Variants in ELP4 observed in about 807,000 individuals in gnomAD.
ELP4 encodes the protein elongator complex protein 4.
ELP4 carries 51 observed loss-of-function variants against 48.9 expected under a neutral mutation model. The observed-to-expected ratio is 1.04, with a 90% CI of 0.83 to 1.32. The LOEUF is 1.32. Among genes scored for constraint, ELP4 ranks in the 40% most tolerant of loss-of-function variants. The pLI is 0.00. For synonymous variants in ELP4, 210 were observed against 189.2 expected, an observed-to-expected ratio of 1.11 and a Z score of -0.90; for missense variants, 519 against 514.6, an observed-to-expected ratio of 1.01 and a Z score of -0.08.
In ELP4 at chr11:31,686,868, C is replaced by CAA. The variant is rs35123055; in HGVS notation, c.1143+36659_1143+36660dup. Among the ~76,000 whole-genome samples, 281 of 136,416 alleles carry CAA rather than the reference C, an allele frequency of 2.1e-3. 2 individuals are homozygous for CAA. The highest frequency in any genetic ancestry group is 7.6e-3 in the Middle Eastern group (2 of 264). The allele number at this position is 136,416 out of a possible 152,430, so 89.5% of individuals were successfully genotyped here. ...TGGGCAACAGAGTGAGACCCTGCTT[C>CAA]AAAAAAAAAAAAATCACTCTGGCAG... On this transcript the variant is annotated intron_variant, in intron 9 of 9. Transcript: ENST00000640961.
intron 7 of ELP4, among the ~76,000 whole-genome samples, chr11:31,639,118 A>G (rs1945037400): frequency 6.6e-6 from 1 of 151,832 alleles, no homozygotes; most frequent in Non-Finnish European, 1.5e-5. Context: ...ACAGTTACTA[A>G]AGGATAAAGC....
intron 9 of ELP4, among the ~76,000 whole-genome samples, chr11:31,666,206 A>G (rs988790748): frequency 6.6e-6 from 1 of 151,530 alleles, no homozygotes. Context: ...ACAAGGTTTC[A>G]CCATGTTATA....
intron 7 of ELP4, among the ~76,000 whole-genome samples, chr11:31,639,819 T>C (rs998566452): frequency 6.6e-6 from 1 of 151,960 alleles, no homozygotes; most frequent in Admixed American, 6.6e-5. Flanking sequence ...AAAAAAAATT[T>C]GGTTTAAAAT....
At chr11:31,549,556 A>T (rs1256590153) in intron 3 of ELP4, among the ~76,000 whole-genome samples, 2 of 151,878 alleles carry the variant, frequency 1.3e-5, no homozygotes, top group Non-Finnish European at 2.9e-5. Flanking sequence ...AAACTAGTTC[A>T]ACCATTGTGG....
chr11:31,729,524 A>G (rs766840298), intron 9 of ELP4, among the ~76,000 whole-genome samples: 29 of 152,236 alleles, frequency 1.9e-4, no homozygotes, highest in Non-Finnish European at 4.1e-4. Context: ...CAGATCTCAA[A>G]AAAACATTTT....
chr11:31,669,022 C>A (rs1319813023), intron 9 of ELP4, among the ~76,000 whole-genome samples: 1 of 151,988 alleles, frequency 6.6e-6, no homozygotes, highest in Non-Finnish European at 1.5e-5. Flanking sequence ...TGCAGCTTTA[C>A]TCTCACTTGC....
At chr11:31,646,056 T>G (rs1469210753) in intron 7 of ELP4, 1 of 151,732 alleles carries the variant, frequency 6.6e-6, no homozygotes, top group African/African-American at 2.4e-5. Flanking sequence ...TAAAGAAATA[T>G]TGAGAGGAAC....
At chr11:31,533,992 C>G (rs1016269583) in intron 2 of ELP4, among the ~76,000 whole-genome samples, 15 of 151,764 alleles carry the variant, frequency 9.9e-5, no homozygotes, top group African/African-American at 3.6e-4. Flanking sequence ...CCCGCCACCA[C>G]GCCCAGCTAA....
intron 2 of ELP4, among the ~76,000 whole-genome samples, chr11:31,521,045 T>G (rs2133879975): frequency 6.6e-6 from 1 of 152,194 alleles, no homozygotes; most frequent in East Asian, 1.9e-4. Flanking sequence ...TTCTATTTAT[T>G]GACCCCTAAG....
chr11:31,565,100 T>G (rs1957087485), intron 3 of ELP4, among the ~76,000 whole-genome samples: 1 of 152,194 alleles, frequency 6.6e-6, no homozygotes, highest in Non-Finnish European at 1.5e-5. Flanking sequence ...CTCATTGTGG[T>G]TTTGATTTGC....
chr11:31,570,880 A>G (rs1389501997), intron 3 of ELP4, among the ~76,000 whole-genome samples: 1 of 145,266 alleles, frequency 6.9e-6, no homozygotes, highest in Non-Finnish European at 1.5e-5. Context: ...GCTCACTGCA[A>G]CCTCCACTTC....
chr11:31,541,918 T>C (rs1449406243), intron 3 of ELP4, among the ~76,000 whole-genome samples: 1 of 152,234 alleles, frequency 6.6e-6, no homozygotes, highest in Admixed American at 6.5e-5. Flanking sequence ...ACAATAATTT[T>C]ATGATGTAGG....
At chr11:31,664,649 T>C (rs1042403960) in intron 9 of ELP4, among the ~76,000 whole-genome samples, 2 of 152,168 alleles carry the variant, frequency 1.3e-5, no homozygotes, top group Non-Finnish European at 2.9e-5. Context: ...GACATTTGAA[T>C]ATTAAAATAG....
At chr11:31,633,005 A>G (rs1048431349) in intron 7 of ELP4, 1 of 152,114 alleles carries the variant, frequency 6.6e-6, no homozygotes, top group Non-Finnish European at 1.5e-5. Context: ...AATACATTGT[A>G]GTCTCCATAG....
intron 7 of ELP4, among the ~76,000 whole-genome samples, chr11:31,635,375 T>C (rs1336695767): frequency 2.0e-5 from 3 of 152,004 alleles, no homozygotes; most frequent in African/African-American, 7.2e-5. Flanking sequence ...TAACCCTGTA[T>C]GGTTGGTACT....
chr11:31,650,739 C>G (rs990830433), intron 9 of ELP4: 3 of 151,682 alleles, frequency 2.0e-5, no homozygotes, highest in Middle Eastern at 3.2e-3. Context: ...GTGACCCTTA[C>G]GTAAGCAATG....
chr11:31,543,523 G>A (rs1334601140), intron 3 of ELP4, among the ~76,000 whole-genome samples: 4 of 152,042 alleles, frequency 2.6e-5, no homozygotes, highest in Admixed American at 6.5e-5. Context: ...GTTTCACCGT[G>A]TTAGCCAGGA....
chr11:31,660,286 G>A (rs12295076), intron 9 of ELP4, among the ~76,000 whole-genome samples: 7,211 of 152,088 alleles, frequency 0.047, 445 homozygotes, highest in African/African-American at 0.13. Flanking sequence ...TGTAGCTATG[G>A]TGTAGCATTG....
chr11:31,772,818 C>A (rs1033850025), intron 9 of ELP4, among the ~76,000 whole-genome samples: 7 of 152,136 alleles, frequency 4.6e-5, no homozygotes. Context: ...AAAAAATTAT[C>A]AATCTCTGCC....
Sources: allele counts gnomAD v4.1 joint callset (sites outside exome capture counted in the v4.1 genomes callset), GRCh38; gene constraint gnomAD v4.1.1; transcripts MANE v1.5; gene names NCBI Gene and HGNC (gene_info 2026-07-23, HGNC 2026-07-21).